The following MYO3B variants were observed in gnomAD, a reference collection of about 807,000 sequenced individuals.
MYO3B encodes the protein myosin-IIIb.
A neutral mutation model predicts 174.6 loss-of-function variants in MYO3B; 156 were observed. The ratio of observed to expected loss-of-function variants is 0.89; its 90% CI spans 0.78 to 1.02. MYO3B has a LOEUF of 1.02. Among genes scored for constraint, MYO3B ranks in the 50% least tolerant of loss-of-function variants. MYO3B has a pLI of 0.00. For missense variants in MYO3B, 1,632 were observed against 1,639.4 expected, an observed-to-expected ratio of 1.00 and a Z score of 0.08; for synonymous variants, 563 against 569.1, an observed-to-expected ratio of 0.99 and a Z score of 0.15.
rs868255067 is a variant in MYO3B, at chr2:170,200,269, G to C, written c.306G>C (p.Leu102=). 8 of 1,611,936 alleles carry C rather than the reference G, an allele frequency of 5.0e-6. No individual in the cohort carries two copies. Among genetic ancestry groups the C allele is most frequent in the Middle Eastern group, 3.3e-4 (2 of 6,070 alleles). ...YKADHCVGGQ[L]WLVLELCNGG... Reference sequence around the variant, plus strand: ...CGGATCACTGTGTAGGGGGACAGCTGTGGCTGGTCCTGGAGGTAAGAGGCT... The same window carrying C: ...CGGATCACTGTGTAGGGGGACAGCTCTGGCTGGTCCTGGAGGTAAGAGGCT... Residue 102 remains leucine (L), a synonymous_variant, in exon 3 of 35, where the codon CTG becomes CTC. Coordinates refer to ENST00000408978, the MANE Select transcript of MYO3B (RefSeq NM_138995.5).
chr2:170,573,306 CTAA>C (rs1412965042), intron 32 of MYO3B, among the ~76,000 whole-genome samples: 1 of 151,340 alleles, frequency 6.6e-6, no homozygotes, highest in Non-Finnish European at 1.5e-5. Flanking sequence ...ACTGAATTAT[CTAA>C]TAACTAGTAG....
intron 8 of MYO3B, among the ~76,000 whole-genome samples, chr2:170,349,025 T>G (rs918793728): frequency 3.9e-5 from 6 of 152,158 alleles, no homozygotes; most frequent in Non-Finnish European, 7.4e-5. Flanking sequence ...TCTTTCTGAA[T>G]CCCTAAACTG....
chr2:170,628,977 T>C (rs1424881588), intron 32 of MYO3B, among the ~76,000 whole-genome samples: 2 of 152,130 alleles, frequency 1.3e-5, no homozygotes, highest in African/African-American at 4.8e-5. Flanking sequence ...ACCAAAAGTC[T>C]CCATGAGAAC....
intron 8 of MYO3B, chr2:170,340,908 G>A (rs766408657): frequency 2.0e-5 from 3 of 152,130 alleles, no homozygotes; most frequent in Non-Finnish European, 4.4e-5. Context: ...AACTGCATCA[G>A]CATCTAGCAT....
chr2:170,624,763 T>A (rs944692775), intron 32 of MYO3B, among the ~76,000 whole-genome samples: 1 of 152,172 alleles, frequency 6.6e-6, no homozygotes, highest in Non-Finnish European at 1.5e-5. Flanking sequence ...TTATTGAGAG[T>A]TTTTAGCATA....
intron 25 of MYO3B, among the ~76,000 whole-genome samples, chr2:170,495,473 A>T (rs975219175): frequency 6.6e-6 from 1 of 152,166 alleles, no homozygotes; most frequent in African/African-American, 2.4e-5. Flanking sequence ...TATGAATATT[A>T]TTATCATAAT....
intron 25 of MYO3B, among the ~76,000 whole-genome samples, chr2:170,473,445 C>T (rs1441018986): frequency 2.0e-5 from 3 of 152,164 alleles, no homozygotes; most frequent in Non-Finnish European, 2.9e-5. Context: ...TGCGCCCAGC[C>T]GTTTTATCAC....
chr2:170,323,959 A>T (rs972252304), intron 7 of MYO3B, among the ~76,000 whole-genome samples: 1 of 152,176 alleles, frequency 6.6e-6, no homozygotes, highest in African/African-American at 2.4e-5. Flanking sequence ...CTTAGCACTC[A>T]TGACTGAGTT....
chr2:170,422,714 C>A (rs7581000), intron 22 of MYO3B, among the ~76,000 whole-genome samples: 2 of 152,092 alleles, frequency 1.3e-5, no homozygotes, highest in South Asian at 2.1e-4. Flanking sequence ...CCTTGGCCCC[C>A]CAAAGTGCTG....
At chr2:170,200,064 T>A in intron 2 of MYO3B, 86 bp from the exon 3 acceptor site, 1 of 1,304,694 alleles carries the variant, frequency 7.7e-7, no homozygotes, top group South Asian at 1.5e-5. Flanking sequence ...ACATATGTTT[T>A]ACTAAGTACT....
intron 8 of MYO3B, among the ~76,000 whole-genome samples, chr2:170,367,069 A>T (rs890527067): frequency 6.6e-6 from 1 of 152,154 alleles, no homozygotes; most frequent in Non-Finnish European, 1.5e-5. Flanking sequence ...CATGCTATGA[A>T]TTTTTTGTGA....
At chr2:170,456,092 G>A (rs1163415050) in intron 23 of MYO3B, among the ~76,000 whole-genome samples, 1 of 152,106 alleles carries the variant, frequency 6.6e-6, no homozygotes, top group Non-Finnish European at 1.5e-5. Flanking sequence ...TTACCCACCA[G>A]ACAAATGGTA....
At chr2:170,365,339 G>A (rs2094190655) in intron 8 of MYO3B, among the ~76,000 whole-genome samples, 1 of 152,120 alleles carries the variant, frequency 6.6e-6, no homozygotes. Context: ...TTATCCTAAA[G>A]ATAGAAGCAA....
intron 29 of MYO3B, among the ~76,000 whole-genome samples, chr2:170,516,311 T>C (rs1437760960): frequency 1.2e-4 from 18 of 152,032 alleles, no homozygotes; most frequent in African/African-American, 4.3e-4. Context: ...TTGTTTTTTT[T>C]TTCTGACAGG....
chr2:170,277,147 G>A (rs1001768148), intron 7 of MYO3B, among the ~76,000 whole-genome samples: 1 of 152,210 alleles, frequency 6.6e-6, no homozygotes, highest in Admixed American at 6.6e-5. Context: ...TCTGTTTGCT[G>A]TTGGTCAAAT....
chr2:170,482,656 A>G (rs1227404227), intron 25 of MYO3B, among the ~76,000 whole-genome samples: 1 of 152,270 alleles, frequency 6.6e-6, no homozygotes, highest in Non-Finnish European at 1.5e-5. Flanking sequence ...GCAGTAAACA[A>G]AAAACTTTCT....
chr2:170,483,750 A>AGAGGAAAGAGAATGT (rs1489958123), intron 25 of MYO3B, among the ~76,000 whole-genome samples: 1 of 152,200 alleles, frequency 6.6e-6, no homozygotes, highest in East Asian at 1.9e-4. Flanking sequence ...ATGGAGAAAA[A>AGAGGAAAGAGAATGT]GAGGAAAGAG....
chr2:170,421,945 C>T (rs1183929790), intron 22 of MYO3B, among the ~76,000 whole-genome samples: 1 of 152,120 alleles, frequency 6.6e-6, no homozygotes. Context: ...TAAAATTCTC[C>T]ATGCAGTTTC....
chr2:170,373,712 G>A (rs1230507958), intron 9 of MYO3B, among the ~76,000 whole-genome samples: 3 of 152,000 alleles, frequency 2.0e-5, no homozygotes, highest in Non-Finnish European at 4.4e-5. Flanking sequence ...TAAAAGGGAG[G>A]TTGACTTTAG....
Sources: allele counts gnomAD v4.1 joint callset (sites outside exome capture counted in the v4.1 genomes callset), GRCh38; gene constraint gnomAD v4.1.1; transcripts MANE v1.5; gene names NCBI Gene and HGNC (gene_info 2026-07-23, HGNC 2026-07-21).